BEND3: variants seen among roughly 807,000 people sequenced by gnomAD.
BEND3 encodes BEN domain containing 3, also known as BEN domain-containing protein 3.
BEND3 carries 13 observed loss-of-function variants against 60.1 expected under a neutral mutation model. The ratio of observed to expected loss-of-function variants is 0.22; its 90% confidence interval spans 0.14 to 0.34. BEND3 has a LOEUF of 0.34. Ranked by LOEUF, BEND3 falls within the 10% of genes least tolerant of loss-of-function variation. BEND3 has a pLI of 1.00. For missense variants in BEND3, 896 were observed against 1,138.1 expected, an observed-to-expected ratio of 0.79 and a Z score of 3.06; for synonymous variants, 497 against 491.5, an observed-to-expected ratio of 1.01 and a Z score of -0.15.
intron 1 of BEND3, among the ~76,000 whole-genome samples, chr6:107,109,701 G>A (rs1459404779): frequency 6.6e-6 from 1 of 151,862 alleles, no homozygotes; most frequent in Admixed American, 6.6e-5. Context: ...TGGAGAAACC[G>A]CGTCTCTACT....
intron 3 of BEND3, among the ~76,000 whole-genome samples, chr6:107,078,568 C>G: frequency 1.3e-5 from 2 of 148,456 alleles, no homozygotes; most frequent in African/African-American, 2.5e-5. Flanking sequence ...CATTCTCCTG[C>G]CTCAGCCTCC....
chr6:107,093,669 G>A (rs1471345758), intron 3 of BEND3, among the ~76,000 whole-genome samples: 2 of 152,112 alleles, frequency 1.3e-5, no homozygotes, highest in African/African-American at 4.8e-5. Flanking sequence ...ATATTTTACT[G>A]GACCAAACTG....
rs1774817926 is a variant in BEND3 at position 107,065,928 on chromosome 6, G to A, written c.*2776C>T. The stretch of plus-strand genomic sequence containing the variant: ...TTGTTGTCCTGTAGACACAGCCAAG[G>A]TGAACTGAAGGGGGATGCGAACACT... On this transcript the variant is annotated 3_prime_UTR_variant, in exon 4 of 4. Transcript: ENST00000369042. The A allele has an allele frequency of 6.6e-6, 1 of 152,372 alleles. No homozygotes were observed. The highest frequency in any genetic ancestry group is 2.4e-5 in the African/African-American group (1 of 41,432). The allele number at this position is 152,372 out of a possible 1,614,324, so 9.4% of individuals were successfully genotyped here.
Position 107,070,423 on chromosome 6 carries a change from G to C in BEND3, c.768C>G (p.Ile256Met), listed in dbSNP as rs782314128. The C allele has an allele frequency of 6.2e-7, 1 of 1,614,042 alleles. No individual in the cohort carries two copies. Among genetic ancestry groups the C allele is most frequent in the Non-Finnish European group, 8.5e-7 (1 of 1,180,034 alleles). ...CCCCCCCTGACAGGCTCTGGTCCACGATCTGCTTGAGCTCTGCGGCTGTGA... is the reference window on the plus strand; with the variant it reads ...CCCCCCCTGACAGGCTCTGGTCCACCATCTGCTTGAGCTCTGCGGCTGTGA... ...YQLTAAELKQ[I>M]VDQSLSGGDL... is the part of the protein sequence containing the mutation. Residue 256 changes from isoleucine (I) to methionine (M), a missense_variant, in exon 4 of 4, where the codon ATC becomes ATG. Physicochemically the swap from Ile to Met is conservative, Grantham distance 10. Transcript: ENST00000369042. The surrounding 1 kb of genome is among the most constrained non-coding windows in gnomAD (Gnocchi z 6.9).
At chr6:107,101,710 C>T (rs1374555658) in intron 1 of BEND3, among the ~76,000 whole-genome samples, 1 of 152,198 alleles carries the variant, frequency 6.6e-6, no homozygotes, top group African/African-American at 2.4e-5. Context: ...CTACACCTCA[C>T]TTTGGATCGC....
In BEND3 at chr6:107,068,954, C is replaced by T. The variant is rs200333807; in HGVS notation, c.2237G>A (p.Arg746His). ...VGNFAARLLV[R>H]LFPELFTAEN... ...GGCGGTGAAGAGTTCGGGAAACAGG[C>T]GGACGAGGAGCCGGGCGGCAAAGTT... Residue 746 changes from arginine (R) to histidine (H), a missense_variant, in exon 4 of 4, where the codon CGC becomes CAC. Arg to His is a conservative substitution (Grantham distance 29). Around this residue, in one of 4 missense-constraint regions of BEND3, gnomAD observed 846 missense variants for 1,036.7 expected, o/e 0.82. Coordinates refer to ENST00000369042, the MANE Select transcript of BEND3 (RefSeq NM_001367314.1). The surrounding 1 kb of genome is among the most constrained non-coding windows in gnomAD (Gnocchi z 5.8). The T allele has an allele frequency of 4.3e-6, 7 of 1,613,628 alleles. No individual in the cohort carries two copies. Among genetic ancestry groups the T allele is most frequent in the Admixed American group, 3.3e-5 (2 of 59,992 alleles).
chr6:107,104,183 G>A (rs575151288), intron 1 of BEND3, among the ~76,000 whole-genome samples: 169 of 150,562 alleles, frequency 1.1e-3, no homozygotes, highest in Non-Finnish European at 1.7e-3. Context: ...CCAGCTACTC[G>A]GGAGGCTGAG....
chr6:107,083,199 G>GTTA (rs1375097143), intron 3 of BEND3, among the ~76,000 whole-genome samples: 2 of 152,156 alleles, frequency 1.3e-5, no homozygotes, highest in Non-Finnish European at 2.9e-5. Flanking sequence ...TTTTCATCTA[G>GTTA]TTATTACTCA....
At chr6:107,094,475 G>T (rs1336917004) in intron 3 of BEND3, among the ~76,000 whole-genome samples, 5 of 151,876 alleles carry the variant, frequency 3.3e-5, no homozygotes, top group Admixed American at 3.3e-4. Flanking sequence ...TACAAAATTA[G>T]CTGGGCGTGG....
In BEND3 at chr6:107,100,429, G is replaced by A. The variant is rs137979390; in HGVS notation, c.-11-1133C>T. 4.5e-3 allele frequency among the ~76,000 whole-genome samples: 678 copies of A among 151,968 alleles called. 2 individuals are homozygous for A. Among genetic ancestry groups the A allele is most frequent in the East Asian group, 8.0e-3 (41 of 5,146 alleles). On this transcript the variant is annotated intron_variant, in intron 1 of 3. Coordinates refer to ENST00000369042, the MANE Select transcript of BEND3 (RefSeq NM_001367314.1). Reference sequence around the variant, plus strand: ...ACTACAGGCATAAGCCACCACTCCCGGCTAATTTTTTGTATTTTTAGTAGA... The same window carrying A: ...ACTACAGGCATAAGCCACCACTCCCAGCTAATTTTTTGTATTTTTAGTAGA...
Position 107,065,658 on chromosome 6 carries a change from C to G in BEND3, c.*3046G>C, listed in dbSNP as rs945396753. ...TTGTGGGGAACGTTGGAAACGGAGG[C>G]CATCTCTAAATGAACCCAGTGGTCA... On this transcript the variant is annotated 3_prime_UTR_variant, in exon 4 of 4. Coordinates refer to ENST00000369042, the MANE Select transcript of BEND3 (RefSeq NM_001367314.1). 3 of 152,194 alleles carry G rather than the reference C, an allele frequency of 2.0e-5. No individual in the cohort carries two copies. Among genetic ancestry groups the G allele is most frequent in the African/African-American group, 7.2e-5 (3 of 41,438 alleles). The allele number at this position is 152,194 out of a possible 1,614,324, so 9.4% of individuals were successfully genotyped here.
chr6:107,109,415 C>T (rs1281598544), intron 1 of BEND3, among the ~76,000 whole-genome samples: 1 of 118,426 alleles, frequency 8.4e-6, no homozygotes. Context: ...TGCACTCCAG[C>T]CTGGGTGACA....
intron 3 of BEND3, among the ~76,000 whole-genome samples, chr6:107,082,139 T>A (rs1251713187): frequency 6.6e-6 from 1 of 152,220 alleles, no homozygotes; most frequent in Non-Finnish European, 1.5e-5. Context: ...GATATGTGAC[T>A]TGCTTTGGCC....
intron 3 of BEND3, among the ~76,000 whole-genome samples, chr6:107,088,374 T>C (rs1554234639): frequency 1.3e-5 from 2 of 152,070 alleles, no homozygotes; most frequent in Non-Finnish European, 2.9e-5. Context: ...ATATACACCA[T>C]GGGAATACAT....
In BEND3 at chr6:107,068,678, C is replaced by T. The variant is rs184923623; in HGVS notation, c.*26G>A. 128 of 1,599,342 alleles carry T rather than the reference C, an allele frequency of 8.0e-5. 1 individual carries two copies. Among genetic ancestry groups the T allele is most frequent in the Middle Eastern group, 6.8e-4 (4 of 5,874 alleles). ...CCCATCGCTCAGCCTCTGGTGACCC[C>T]GAATCTCTGGGCAGGTCACGGGCCT... On this transcript the variant is annotated 3_prime_UTR_variant, in exon 4 of 4. Coordinates refer to ENST00000369042, the MANE Select transcript of BEND3 (RefSeq NM_001367314.1). This position sits in a 1 kb window ranked among gnomAD's most constrained non-coding sequence, Gnocchi z 5.8.
At chr6:107,113,855 C>G (rs1204502721) in intron 1 of BEND3, 1 of 152,200 alleles carries the variant, frequency 6.6e-6, no homozygotes, top group African/African-American at 2.4e-5. Flanking sequence ...ATATACCTGG[C>G]TACCTGAAGG....
chr6:107,073,538 A>G (rs1582642387), intron 3 of BEND3, among the ~76,000 whole-genome samples: 1 of 152,050 alleles, frequency 6.6e-6, no homozygotes, highest in Admixed American at 6.5e-5. Flanking sequence ...GAAGAGGTCA[A>G]TGAATTTCTG....
chr6:107,099,236 A>AT lies in BEND3; in HGVS notation c.37+12dup, dbSNP rs71887608. Reference sequence around the variant, plus strand: ...GTTAAAAACATTTTTCAAAAAGGGCATTTTTTTTTTACCTTCTTCTACATC... The same window carrying AT: ...GTTAAAAACATTTTTCAAAAAGGGCATTTTTTTTTTTACCTTCTTCTACATC... On this transcript the variant is annotated intron_variant, in intron 2 of 3. Coordinates refer to ENST00000369042, the MANE Select transcript of BEND3 (RefSeq NM_001367314.1). 0.18 allele frequency: 263,722 copies of AT among 1,475,552 alleles called. 14,007 individuals carry two copies. Among genetic ancestry groups the AT allele is most frequent in the African/African-American group, 0.29 (20,788 of 71,348 alleles). 91.4% of individuals were successfully genotyped at this position (1,475,552 alleles called of 1,614,324 possible).
chr6:107,069,217 G>A lies in BEND3; in HGVS notation c.1974C>T (p.Arg658=), dbSNP rs1554231377. 1.2e-6 allele frequency: 2 copies of A among 1,612,248 alleles called. No individual in the cohort carries two copies. Among genetic ancestry groups the A allele is most frequent in the African/African-American group, 2.7e-5 (2 of 74,912 alleles). Residue 658 remains arginine, a synonymous_variant, in exon 4 of 4, where the codon CGC becomes CGT. Coordinates refer to ENST00000369042, the MANE Select transcript of BEND3 (RefSeq NM_001367314.1). ...TEQRRSYQQQ[R]KVHVPGPECR... ...ACTCAGGGCCCGGCACGTGGACCTT[G>A]CGCTGCTGCTGGTAGGAGCGCCTTT... is the stretch of plus-strand genomic sequence containing the variant.
Sources: allele counts gnomAD v4.1 joint callset (sites outside exome capture counted in the v4.1 genomes callset), GRCh38; gene constraint gnomAD v4.1.1; regional missense constraint gnomAD v4.1.1; non-coding constraint Gnocchi (gnomAD v3.1); transcripts MANE v1.5; gene names NCBI Gene and HGNC (gene_info 2026-07-23, HGNC 2026-07-21).